MGAT4C: variants seen among roughly 807,000 people sequenced by gnomAD.
The protein encoded by MGAT4C is alpha-1,3-mannosyl-glycoprotein 4-beta-N-acetylglucosaminyltransferase C.
A neutral mutation model predicts 40.1 loss-of-function variants in MGAT4C; 19 were observed. The ratio of observed to expected loss-of-function variants is 0.47; its 90% CI spans 0.33 to 0.70. MGAT4C has a LOEUF of 0.70. MGAT4C is among the 30% of genes least tolerant of loss of function. The pLI is 0.02. For synonymous variants in MGAT4C, 181 were observed against 187.1 expected (o/e 0.97, Z 0.27); for missense variants, 491 against 563.2 (o/e 0.87, Z 1.30).
intron 3 of MGAT4C, among the ~76,000 whole-genome samples, chr12:86,374,803 C>A (rs961464686): frequency 2.6e-5 from 4 of 152,032 alleles, no homozygotes; most frequent in African/African-American, 7.2e-5. Flanking sequence ...CTGGAAACAT[C>A]AATTATTAAG....
intron 2 of MGAT4C, among the ~76,000 whole-genome samples, chr12:86,468,757 T>G (rs1266257668): frequency 6.6e-6 from 1 of 152,060 alleles, no homozygotes. Context: ...TTTATTACCT[T>G]TACCCCATCT....
intron 2 of MGAT4C, among the ~76,000 whole-genome samples, chr12:86,540,478 C>A (rs372840743): frequency 3.3e-5 from 5 of 152,140 alleles, no homozygotes; most frequent in African/African-American, 1.2e-4. Flanking sequence ...TGGCTCATGC[C>A]GGTAATTCCA....
chr12:86,523,033 A>G (rs1958821629), intron 2 of MGAT4C, among the ~76,000 whole-genome samples: 1 of 151,390 alleles, frequency 6.6e-6, no homozygotes, highest in Non-Finnish European at 1.5e-5. Context: ...TGTTTCATTA[A>G]TTTAAAAAAA....
intron 1 of MGAT4C, among the ~76,000 whole-genome samples, chr12:86,201,726 T>C (rs1950059151): frequency 6.6e-6 from 1 of 151,884 alleles, no homozygotes; most frequent in Non-Finnish European, 1.5e-5. Context: ...GGGGTTTCTT[T>C]GAATCTATAG....
chr12:86,177,960 A>G (rs772034641), intron 1 of MGAT4C, among the ~76,000 whole-genome samples: 1 of 152,048 alleles, frequency 6.6e-6, no homozygotes, highest in Non-Finnish European at 1.5e-5. Flanking sequence ...TTTTTGAGAC[A>G]GAGTCTCACT....
intron 4 of MGAT4C, among the ~76,000 whole-genome samples, chr12:86,315,560 G>A (rs1954191322): frequency 6.6e-6 from 1 of 151,378 alleles, no homozygotes; most frequent in Non-Finnish European, 1.5e-5. Flanking sequence ...AAAAAAATTA[G>A]CCGGGCGTGG....
At chr12:86,169,677 G>A (rs1886595626) in intron 1 of MGAT4C, among the ~76,000 whole-genome samples, 1 of 152,050 alleles carries the variant, frequency 6.6e-6, no homozygotes, top group South Asian at 2.1e-4. Context: ...ACAGGTGACT[G>A]AAAAAATCAG....
At chr12:86,698,821 AAC>A (rs1279244547) in intron 2 of MGAT4C, among the ~76,000 whole-genome samples, 1 of 152,118 alleles carries the variant, frequency 6.6e-6, no homozygotes, top group South Asian at 2.1e-4. Context: ...ATTGAACTCT[AAC>A]AGATTGCAGT....
At chr12:86,528,713 T>C (rs1049753594) in intron 2 of MGAT4C, among the ~76,000 whole-genome samples, 6 of 152,108 alleles carry the variant, frequency 3.9e-5, no homozygotes, top group African/African-American at 9.6e-5. Flanking sequence ...TTCACTTTTT[T>C]GTAAGATATT....
intron 2 of MGAT4C, among the ~76,000 whole-genome samples, chr12:86,651,164 C>T (rs537303372): frequency 1.3e-5 from 2 of 151,818 alleles, no homozygotes; most frequent in Admixed American, 1.3e-4. Flanking sequence ...TGTGTGCTAT[C>T]CACCTTTTAC....
intron 2 of MGAT4C, among the ~76,000 whole-genome samples, chr12:86,714,442 C>T (rs989793116): frequency 2.0e-5 from 3 of 152,024 alleles, no homozygotes; most frequent in Admixed American, 1.3e-4. Flanking sequence ...GTAATTCCCA[C>T]GTGTTGTGGG....
At chr12:86,305,900 G>T (rs929550475) in intron 4 of MGAT4C, among the ~76,000 whole-genome samples, 2 of 150,330 alleles carry the variant, frequency 1.3e-5, no homozygotes, top group South Asian at 2.1e-4. Flanking sequence ...ATGGAGGGGT[G>T]ACTGCACTTA....
At chr12:86,274,731 T>A (rs994537269) in intron 4 of MGAT4C, among the ~76,000 whole-genome samples, 1 of 152,208 alleles carries the variant, frequency 6.6e-6, no homozygotes, top group African/African-American at 2.4e-5. Context: ...TATACCCAGA[T>A]TGGCTGGAGT....
At chr12:86,228,472 A>C (rs1951185109) in intron 1 of MGAT4C, among the ~76,000 whole-genome samples, 1 of 151,904 alleles carries the variant, frequency 6.6e-6, no homozygotes, top group African/African-American at 2.4e-5. Flanking sequence ...TTGGTTTGAA[A>C]TAAGAAAACA....
intron 3 of MGAT4C, among the ~76,000 whole-genome samples, chr12:86,428,063 C>CA (rs58989547): frequency 0.067 from 10,148 of 150,348 alleles, 813 homozygotes; most frequent in East Asian, 0.24. Flanking sequence ...ACCACAACAA[C>CA]AAAAAAACCC....
At chr12:86,225,462 A>G (rs570191887) in intron 1 of MGAT4C, among the ~76,000 whole-genome samples, 3 of 152,084 alleles carry the variant, frequency 2.0e-5, no homozygotes, top group Non-Finnish European at 4.4e-5. Flanking sequence ...ACATCACCCC[A>G]ATACTAACCA....
chr12:86,110,818 T>C (rs1054370906), intron 1 of MGAT4C, among the ~76,000 whole-genome samples: 1 of 151,668 alleles, frequency 6.6e-6, no homozygotes, highest in Non-Finnish European at 1.5e-5. Flanking sequence ...TGTACAGTTG[T>C]ACATACTAAT....
chr12:86,124,172 C>A (rs1279144364), intron 1 of MGAT4C, among the ~76,000 whole-genome samples: 1 of 152,106 alleles, frequency 6.6e-6, no homozygotes, highest in African/African-American at 2.4e-5. Context: ...GAATTACATG[C>A]AATCTTACTA....
intron 4 of MGAT4C, among the ~76,000 whole-genome samples, chr12:86,292,766 C>G (rs996396696): frequency 2.0e-5 from 3 of 150,822 alleles, no homozygotes; most frequent in African/African-American, 4.9e-5. Flanking sequence ...AGTCTCCTGA[C>G]AGAAGAAAAT....
Sources: gnomAD v4.1 joint callset for allele counts (sites outside exome capture counted in the v4.1 genomes callset) on GRCh38, gnomAD v4.1.1 for gene constraint, MANE v1.5 for transcripts, NCBI Gene and HGNC (gene_info 2026-07-23, HGNC 2026-07-21) for gene names.